Variants in BMP1 observed in about 807,000 individuals in gnomAD.
BMP1 encodes the protein mammalian tolloid protein.
BMP1 carries 63 observed loss-of-function variants against 116.8 expected under a neutral mutation model. The observed-to-expected ratio is 0.54, with a 90% CI of 0.44 to 0.67. The LOEUF (loss-of-function observed/expected upper bound fraction) is 0.67, where lower values mean the gene tolerates loss of function less well. BMP1 is among the 30% of genes least tolerant of loss of function. The pLI, the probability that BMP1 is intolerant of heterozygous loss-of-function variation, is 0.00. For missense variants in BMP1, 1,183 were observed against 1,358.9 expected (o/e 0.87, Z 2.04); for synonymous variants, 536 against 533.4 (o/e 1.00, Z -0.07).
intron 1 of BMP1, chr8:22,171,152 A>T (rs1828265164): frequency 6.6e-6 from 1 of 152,222 alleles, no homozygotes; most frequent in Non-Finnish European, 1.5e-5. Context: ...GAGGATGGCG[A>T]TTCAAGTAAG....
In BMP1 at chr8:22,211,756, G is replaced by C. The variant is rs1225300119; in HGVS notation, c.*28G>C. Reference sequence around the variant, plus strand: ...ACTGCCTGAGCAGGGGCGGGGACTGGAGCCTGCTGCCCTTGGTCGCCTAGA... The same window carrying C: ...ACTGCCTGAGCAGGGGCGGGGACTGCAGCCTGCTGCCCTTGGTCGCCTAGA... On this transcript the variant is annotated 3_prime_UTR_variant, in exon 20 of 20. Transcript: ENST00000306385. 21 of 1,613,990 alleles carry C rather than the reference G, an allele frequency of 1.3e-5. No individual in the cohort carries two copies. The highest frequency in any genetic ancestry group is 1.8e-5 in the Non-Finnish European group (21 of 1,179,968).
rs1186639226 is a variant in BMP1 at position 22,211,580 on chromosome 8, C to G, written c.2827-14C>G. 6.2e-7 allele frequency: 1 copy of G among 1,614,128 alleles called. No homozygotes were observed. Among genetic ancestry groups the G allele is most frequent in the Admixed American group, 1.7e-5 (1 of 60,024 alleles). On this transcript the variant is annotated splice_polypyrimidine_tract_variant and intron_variant, in intron 19 of 19. Coordinates refer to ENST00000306385, the MANE Select transcript of BMP1 (RefSeq NM_006129.5). ...CCTCTTCCTCCACCTTACCCCATCT[C>G]TTTTCTCTGCCAGCCTCCTGAGGAG...
At chr8:22,201,654 C>T (rs1829265649) in intron 15 of BMP1, 149 bp from the exon 16 acceptor site, 4 of 1,410,320 alleles carry the variant, frequency 2.8e-6, no homozygotes, top group South Asian at 2.8e-5. Context: ...CGCCTGGCCT[C>T]CCACTCCCGG....
chr8:22,165,679 G>GA, intron 1 of BMP1, 126 bp downstream of exon 1: 4 of 747,158 alleles, frequency 5.4e-6, no homozygotes, highest in Non-Finnish European at 7.4e-6. Context: ...ATGCAGTGGG[G>GA]AACAAAAGAA....
intron 8 of BMP1, among the ~76,000 whole-genome samples, chr8:22,184,145 C>T (rs1390108223): frequency 1.3e-5 from 2 of 152,226 alleles, no homozygotes. Context: ...GGGTCAGCCA[C>T]CAGGGATGTA....
At chr8:22,202,308 C>T (rs1007964199) in intron 16 of BMP1, among the ~76,000 whole-genome samples, 1 of 152,238 alleles carries the variant, frequency 6.6e-6, no homozygotes, top group Non-Finnish European at 1.5e-5. Context: ...TGCCGCTTCA[C>T]TAGCTGTGTG....
At chr8:22,205,790 A>G (rs913593366) in intron 16 of BMP1, among the ~76,000 whole-genome samples, 1 of 152,090 alleles carries the variant, frequency 6.6e-6, no homozygotes, top group African/African-American at 2.4e-5. Flanking sequence ...TTGTTTTTTA[A>G]TTTTAATAAA....
Position 22,179,979 on chromosome 8 carries a change from C to A in BMP1, c.961+150C>A. ...GGGACCCCATAGGAGGGGCAGTGTC[C>A]AAGTGAAGGAGGCCGCTGGGGGTAG... On this transcript the variant is annotated intron_variant, in intron 7 of 19. Coordinates refer to ENST00000306385, the MANE Select transcript of BMP1 (RefSeq NM_006129.5). The surrounding 1 kb of genome is among the most constrained non-coding windows in gnomAD (Gnocchi z 4.6). 1 of 935,720 alleles carries A rather than the reference C, an allele frequency of 1.1e-6. No individual in the cohort carries two copies. Among genetic ancestry groups the A allele is most frequent in the Non-Finnish European group, 1.6e-6 (1 of 641,356 alleles). 58.0% of individuals were successfully genotyped at this position (935,720 alleles called of 1,614,324 possible).
chr8:22,174,749 C>T (rs1828383294), intron 2 of BMP1, among the ~76,000 whole-genome samples: 2 of 151,100 alleles, frequency 1.3e-5, no homozygotes, highest in South Asian at 4.2e-4. Flanking sequence ...TCTCGTGCCT[C>T]AGCCTCCCAA....
intron 8 of BMP1, among the ~76,000 whole-genome samples, chr8:22,186,468 C>CTA (rs747593712): frequency 4.6e-5 from 7 of 152,132 alleles, no homozygotes; most frequent in Non-Finnish European, 7.4e-5. Flanking sequence ...CCCCGTCTAT[C>CTA]TATATATATA....
chr8:22,202,992 A>G (rs936371278), intron 16 of BMP1, among the ~76,000 whole-genome samples: 1 of 152,218 alleles, frequency 6.6e-6, no homozygotes, highest in Admixed American at 6.5e-5. Context: ...CCTGGGTGAC[A>G]GAGTGGGAAA....
chr8:22,203,635 C>G (rs1388126472), intron 16 of BMP1, among the ~76,000 whole-genome samples: 1 of 152,170 alleles, frequency 6.6e-6, no homozygotes, highest in African/African-American at 2.4e-5. Context: ...GCCATTAGCA[C>G]CATGCTTGGC....
chr8:22,197,651 G>A (rs918208554), intron 15 of BMP1, among the ~76,000 whole-genome samples: 32 of 152,216 alleles, frequency 2.1e-4, no homozygotes, highest in African/African-American at 7.5e-4. Context: ...AGGATGGGCA[G>A]AACATAAGCA....
chr8:22,195,361 G>A, intron 12 of BMP1, 101 bp from the exon 13 acceptor site: 2 of 1,440,220 alleles, frequency 1.4e-6, no homozygotes, highest in Non-Finnish European at 1.9e-6. Context: ...AGCCATCGGG[G>A]AGCTGGGTGG....
chr8:22,199,128 C>A, intron 15 of BMP1: 1 of 1,367,670 alleles, frequency 7.3e-7, no homozygotes, highest in Non-Finnish European at 9.8e-7. Context: ...CAGCCCTGCA[C>A]GGAGACACAC....
In BMP1 at chr8:22,195,331, G is replaced by GGAA. The variant is rs1162091467; in HGVS notation, c.1640-129_1640-127dup. 13 of 1,173,948 alleles carry GGAA rather than the reference G, an allele frequency of 1.1e-5. No homozygotes were observed. In the African/African-American group the frequency reaches 1.9e-4, roughly 17 times the overall value. 72.7% of individuals were successfully genotyped at this position (1,173,948 alleles called of 1,614,324 possible). A position where few individuals can be genotyped will look rare whatever the true frequency, so the allele number is the denominator to read the frequency against. On this transcript the variant is annotated intron_variant, in intron 12 of 19. Coordinates refer to ENST00000306385, the MANE Select transcript of BMP1 (RefSeq NM_006129.5). ...ACCAGCCCAGTCCATGTGCTCTGAA[G>GGAA]GAAGGCTCTGTGGGGTTCCAGCCAT...
intron 2 of BMP1, among the ~76,000 whole-genome samples, chr8:22,174,468 C>T (rs1828372600): frequency 6.6e-6 from 1 of 152,088 alleles, no homozygotes; most frequent in Non-Finnish European, 1.5e-5. Context: ...GGATGAGGGC[C>T]TGGGCTGTGT....
intron 15 of BMP1, among the ~76,000 whole-genome samples, chr8:22,199,885 C>G (rs1340760738): frequency 6.6e-6 from 1 of 152,184 alleles, no homozygotes; most frequent in South Asian, 2.1e-4. Context: ...TGGCCTGGTT[C>G]CCATGGCCCC....
chr8:22,199,162 C>T lies in BMP1; in HGVS notation c.2107+1742C>T, dbSNP rs1265457352. The stretch of plus-strand genomic sequence containing the variant: ...ACACGCCCACACGCACACACATGTG[C>T]ACACACATTGCCCCATCGCACAAGA... On this transcript the variant is annotated intron_variant, in intron 15 of 19. Coordinates refer to ENST00000306385, the MANE Select transcript of BMP1 (RefSeq NM_006129.5). 3.7e-6 allele frequency: 5 copies of T among 1,367,600 alleles called. 1 individual carries two copies. The African/African-American group carries it at 7.4e-5, about 20-fold the overall frequency. 84.7% of individuals were successfully genotyped at this position (1,367,600 alleles called of 1,614,324 possible).
Sources: allele counts gnomAD v4.1 joint callset (sites outside exome capture counted in the v4.1 genomes callset), GRCh38; gene constraint gnomAD v4.1.1; non-coding constraint Gnocchi (gnomAD v3.1); transcripts MANE v1.5; gene names NCBI Gene and HGNC (gene_info 2026-07-23, HGNC 2026-07-21).